The following MAGEC3 variants were observed in gnomAD, a reference collection of about 807,000 sequenced individuals.
MAGEC3 encodes the protein MAGE family member C3, also known as melanoma-associated antigen C3.
MAGEC3 carries 34 observed loss-of-function variants against 35.3 expected under a neutral mutation model. That is an observed-to-expected ratio of 0.96 (90% CI 0.73 to 1.28). The LOEUF (loss-of-function observed/expected upper bound fraction) is 1.28, where lower values mean the gene tolerates loss of function less well. Ranked by LOEUF, MAGEC3 falls within the 50% of genes most tolerant of loss-of-function variation. The probability of loss-of-function intolerance (pLI) is 0.00; values close to 1 mark genes in which losing one functional copy is unlikely to be tolerated. For missense variants in MAGEC3, 561 were observed against 483.6 expected (o/e 1.16, Z -1.50); for synonymous variants, 202 against 185.6 (o/e 1.09, Z -0.72).
At chrX:141,895,744 G>C (rs1276580411) in intron 6 of MAGEC3, among the ~76,000 whole-genome samples, 185 bp downstream of exon 6, 3 of 106,005 alleles carry the variant, frequency 2.8e-5, no homozygotes, top group South Asian at 4.5e-4. Context: ...GGGAGGGGGA[G>C]GGGTGGAGGG....
chrX:141,846,929 A>G (rs1210885514), intron 1 of MAGEC3, among the ~76,000 whole-genome samples: 2 of 110,945 alleles, frequency 1.8e-5, no homozygotes, highest in African/African-American at 6.5e-5. Flanking sequence ...CATTTTTCTC[A>G]TTCATAAGAT....
At chrX:141,896,231 T>A in intron 6 of MAGEC3, 1 of 358,013 alleles carries the variant, frequency 2.8e-6, no homozygotes, top group Non-Finnish European at 3.8e-6. Context: ...GCACACTTCC[T>A]AAAGTCAGCA....
chrX:141,883,209 AG>A (rs2017978560), intron 4 of MAGEC3, among the ~76,000 whole-genome samples: 1 of 112,312 alleles, frequency 8.9e-6, no homozygotes, highest in Non-Finnish European at 1.9e-5. Flanking sequence ...AATGCTGCCC[AG>A]AAGCTTCTAG....
At chrX:141,891,493 G>A (rs1003556566) in intron 4 of MAGEC3, among the ~76,000 whole-genome samples, 4 of 108,991 alleles carry the variant, frequency 3.7e-5, no homozygotes, top group Non-Finnish European at 7.6e-5. Context: ...AATAAATACT[G>A]CATATATTAT....
intron 2 of MAGEC3, among the ~76,000 whole-genome samples, chrX:141,876,300 G>A (rs1415844898): frequency 9.0e-6 from 1 of 111,675 alleles, no homozygotes; most frequent in African/African-American, 3.3e-5. Flanking sequence ...AGTTCCAGAG[G>A]TCAGCAGGAG....
Position 141,846,544 on chromosome X carries a change from G to T in MAGEC3, c.123+8106G>T, listed in dbSNP as rs1277281676. The stretch of plus-strand genomic sequence containing the variant: ...CGCTACCTATGTTTTCAGAAGGCTT[G>T]TAATTCTCTCTTAACTCACAAACTC... On this transcript the variant is annotated intron_variant, in intron 1 of 7. Coordinates refer to ENST00000298296, the MANE Select transcript of MAGEC3 (RefSeq NM_138702.1). Among the ~76,000 whole-genome samples the T allele has an allele frequency of 1.4e-4, 16 of 110,782 alleles. No individual in the cohort carries two copies. The Admixed American group carries it at 1.5e-3, about 11-fold the overall frequency.
chrX:141,889,065 G>A (rs1471066328), intron 4 of MAGEC3, among the ~76,000 whole-genome samples: 1 of 111,928 alleles, frequency 8.9e-6, no homozygotes, highest in Non-Finnish European at 1.9e-5. Flanking sequence ...CTCACTTTAT[G>A]GCTAAAGAAG....
intron 1 of MAGEC3, among the ~76,000 whole-genome samples, chrX:141,841,211 C>A (rs929901065): frequency 3.6e-5 from 4 of 111,335 alleles, no homozygotes; most frequent in African/African-American, 1.3e-4. Flanking sequence ...TAAAGCTGTA[C>A]TTTGCAAGAC....
intron 4 of MAGEC3, among the ~76,000 whole-genome samples, chrX:141,882,456 G>A (rs1342554116): frequency 9.0e-6 from 1 of 111,484 alleles, no homozygotes; most frequent in African/African-American, 3.3e-5. Flanking sequence ...CTTATTTTGT[G>A]ATCTATAACA....
intron 2 of MAGEC3, among the ~76,000 whole-genome samples, chrX:141,878,872 T>A (rs1156537400): frequency 9.0e-6 from 1 of 111,454 alleles, no homozygotes; most frequent in African/African-American, 3.3e-5. Context: ...TCCCAGGCCA[T>A]GTCAGGAATA....
chrX:141,863,696 T>C (rs775920067), intron 1 of MAGEC3, among the ~76,000 whole-genome samples: 123 of 111,464 alleles, frequency 1.1e-3, no homozygotes, highest in African/African-American at 3.8e-3. Flanking sequence ...AAAAAAGATA[T>C]ACAGATCACA....
intron 1 of MAGEC3, chrX:141,838,715 G>A (rs1349103280): frequency 2.7e-6 from 2 of 754,141 alleles, no homozygotes; most frequent in East Asian, 1.5e-4. Context: ...GTAGTTCATC[G>A]GGGGTGAGGC....
chrX:141,872,122 G>A (rs991269571), intron 2 of MAGEC3, among the ~76,000 whole-genome samples: 3 of 111,041 alleles, frequency 2.7e-5, no homozygotes, highest in African/African-American at 9.8e-5. Context: ...AAAAAAGGCT[G>A]AAAATAGAGA....
At chrX:141,851,796 G>T (rs989780877) in intron 1 of MAGEC3, among the ~76,000 whole-genome samples, 4 of 111,274 alleles carry the variant, frequency 3.6e-5, no homozygotes, top group Non-Finnish European at 7.6e-5. Flanking sequence ...CCATTGATCT[G>T]TATGTCTATA....
In MAGEC3 at chrX:141,841,745, C is replaced by T. The variant is rs1305338574; in HGVS notation, c.123+3307C>T. Reference sequence around the variant, plus strand: ...AACATTTGTCAATGATGACCGTTTGCTTCTAGATGCCCCTTCACGGCTTTT... The same window carrying T: ...AACATTTGTCAATGATGACCGTTTGTTTCTAGATGCCCCTTCACGGCTTTT... On this transcript the variant is annotated intron_variant, in intron 1 of 7. Transcript: ENST00000298296. Among the ~76,000 whole-genome samples, 5 of 111,745 alleles carry T rather than the reference C, an allele frequency of 4.5e-5. No homozygotes were observed. The East Asian group carries it at 1.4e-3, about 32-fold the overall frequency.
At chrX:141,838,525 C>T (rs1484961374) in intron 1 of MAGEC3, 87 bp downstream of exon 1, 9 of 1,128,446 alleles carry the variant, frequency 8.0e-6, no homozygotes, top group Admixed American at 4.7e-5. Context: ...TTGCTTGGCT[C>T]CAAGACAGTG....
chrX:141,885,790 G>A lies in MAGEC3; in HGVS notation c.909+3994G>A, dbSNP rs191654801. The stretch of plus-strand genomic sequence containing the variant: ...TGATTTCTTGCCTTGGTTTAATGTA[G>A]AGGAAGGGATCCAAATGCTTAGGGA... On this transcript the variant is annotated intron_variant, in intron 4 of 7. Coordinates refer to ENST00000298296, the MANE Select transcript of MAGEC3 (RefSeq NM_138702.1). Among the ~76,000 whole-genome samples, 419 of 110,134 alleles carry A rather than the reference G, an allele frequency of 3.8e-3. 1 individual carries two copies. The highest frequency in any genetic ancestry group is 0.013 in the African/African-American group (384 of 30,335).
rs185772464 is a variant in MAGEC3, at chrX:141,872,241, T to C, written c.258+6636T>C. ...TTGGCTGTCGTTATCTAATCTGTAT[T>C]GGGGCCAAGCCATTTTACAGTAGAA... is the stretch of plus-strand genomic sequence containing the variant. On this transcript the variant is annotated intron_variant, in intron 2 of 7. Coordinates refer to ENST00000298296, the MANE Select transcript of MAGEC3 (RefSeq NM_138702.1). Among the ~76,000 whole-genome samples, 590 of 111,347 alleles carry C rather than the reference T, an allele frequency of 5.3e-3. 8 individuals carry two copies. Among genetic ancestry groups the C allele is most frequent in the African/African-American group, 0.019 (570 of 30,603 alleles).
chrX:141,848,243 C>T (rs760441219), intron 1 of MAGEC3, among the ~76,000 whole-genome samples: 117 of 109,281 alleles, frequency 1.1e-3, no homozygotes, highest in African/African-American at 3.8e-3. Context: ...TCTCACAACT[C>T]CTATTCAACA....
Sources: gnomAD v4.1 joint callset for allele counts (sites outside exome capture counted in the v4.1 genomes callset) on GRCh38, gnomAD v4.1.1 for gene constraint, MANE v1.5 for transcripts, NCBI Gene and HGNC (gene_info 2026-07-23, HGNC 2026-07-21) for gene names.